Variants in CLIC5 observed in about 807,000 individuals in gnomAD.
CLIC5 encodes the protein CLIC family member 5, also known as chloride intracellular channel protein 5.
Under a neutral mutation model 24.7 loss-of-function variants are expected in CLIC5, and 20 were observed. The ratio of observed to expected loss-of-function variants is 0.81; its 90% CI spans 0.57 to 1.18. The LOEUF (loss-of-function observed/expected upper bound fraction) is 1.18, where lower values mean the gene tolerates loss of function less well. Ranked by LOEUF, CLIC5 falls within the 50% of genes most tolerant of loss-of-function variation. The probability of loss-of-function intolerance (pLI) is 0.00; values close to 1 mark genes in which losing one functional copy is unlikely to be tolerated. For synonymous variants in CLIC5, 159 were observed against 135.6 expected (o/e 1.17, Z -1.20); for missense variants, 341 against 326.1 (o/e 1.05, Z -0.35).
downstream of CLIC5, among the ~76,000 whole-genome samples, chr6:45,896,430 G>A (rs575182477): frequency 5.3e-5 from 8 of 151,158 alleles, no homozygotes; most frequent in South Asian, 1.7e-3. Context: ...GCCCAGAAAG[G>A]AGCCTTGCTC....
chr6:45,889,497 A>T (rs985540553), intron 6 of CLIC5, among the ~76,000 whole-genome samples: 1 of 152,194 alleles, frequency 6.6e-6, no homozygotes, highest in Non-Finnish European at 1.5e-5. Context: ...AACAATGTAT[A>T]CACTATGTGC....
the CLIC5 span, among the ~76,000 whole-genome samples, chr6:46,128,481 G>A: frequency 6.6e-6 from 1 of 152,130 alleles, no homozygotes; most frequent in Non-Finnish European, 1.5e-5. Flanking sequence ...CCAAAACTTG[G>A]CCTTACCCTG....
intron 6 of CLIC5, among the ~76,000 whole-genome samples, chr6:45,885,466 C>A (rs1006782032): frequency 2.0e-5 from 3 of 152,068 alleles, no homozygotes; most frequent in Non-Finnish European, 4.4e-5. Flanking sequence ...ATGTTATGCC[C>A]ATAATGTCAA....
chr6:46,005,711 A>T (rs1766528121), intron 1 of CLIC5, among the ~76,000 whole-genome samples: 1 of 152,014 alleles, frequency 6.6e-6, no homozygotes. Flanking sequence ...TGATTAGGTC[A>T]TGAGGGTGGA....
intron 6 of CLIC5, among the ~76,000 whole-genome samples, chr6:45,885,956 C>T (rs1762301689): frequency 1.3e-5 from 2 of 152,274 alleles, no homozygotes; most frequent in African/African-American, 4.8e-5. Context: ...TGCACAGGAA[C>T]TTCTGTAGCA....
At chr6:46,041,407 T>A (rs1767804166) in intron 1 of CLIC5, among the ~76,000 whole-genome samples, 2 of 152,176 alleles carry the variant, frequency 1.3e-5, no homozygotes, top group South Asian at 4.1e-4. Context: ...AAACTATACC[T>A]CAGTCCAAAT....
intron 3 of CLIC5, 108 bp downstream of exon 3, chr6:45,949,147 CT>C: frequency 5.7e-6 from 8 of 1,400,690 alleles, no homozygotes; most frequent in Non-Finnish European, 7.7e-6. Context: ...GTTCTCTGGA[CT>C]GGTGAGGTTC....
downstream of CLIC5, among the ~76,000 whole-genome samples, chr6:45,894,394 T>C (rs1762377096): frequency 6.6e-6 from 1 of 152,206 alleles, no homozygotes. Context: ...TTATTGGTAC[T>C]TCATTATAGC....
chr6:45,954,465 G>A (rs1054754649), intron 2 of CLIC5, among the ~76,000 whole-genome samples: 3 of 152,068 alleles, frequency 2.0e-5, no homozygotes, highest in African/African-American at 7.2e-5. Context: ...AGATAACAAG[G>A]AGAATATGCC....
At position 45,903,038 on chromosome 6, in the gene CLIC5, G is replaced by C. The variant is rs1301708854; in HGVS notation, c.*50C>G. Reference sequence around the variant, plus strand: ...AGGAGTCTATGAAGCTGGAGTCTTAGGGGAGTGGTTGAGTCCTTCTGCAGC... The same window carrying C: ...AGGAGTCTATGAAGCTGGAGTCTTACGGGAGTGGTTGAGTCCTTCTGCAGC... On this transcript the variant is annotated 3_prime_UTR_variant, in exon 6 of 6. Transcript: ENST00000339561. The C allele has an allele frequency of 6.2e-7, 1 of 1,604,008 alleles. No homozygotes were observed. The highest frequency in any genetic ancestry group is 8.5e-7 in the Non-Finnish European group (1 of 1,172,456).
chr6:45,902,986 A>G lies in CLIC5; in HGVS notation c.*102T>C. The G allele has an allele frequency of 5.4e-6, 7 of 1,286,488 alleles. No homozygotes were observed. The South Asian group carries it at 9.4e-5, about 17-fold the overall frequency. 79.7% of individuals were successfully genotyped at this position (1,286,488 alleles called of 1,614,324 possible). ...CCAGCAAGATGAGGCTTGATTATAAAAAGTGCGCCTCAAGGCAGTGATACA... is the reference window on the plus strand; with the variant it reads ...CCAGCAAGATGAGGCTTGATTATAAGAAGTGCGCCTCAAGGCAGTGATACA... On this transcript the variant is annotated 3_prime_UTR_variant, in exon 6 of 6. Transcript: ENST00000339561.
At chr6:46,053,454 A>G (rs1768160134) in intron 1 of CLIC5, among the ~76,000 whole-genome samples, 1 of 152,250 alleles carries the variant, frequency 6.6e-6, no homozygotes, top group Admixed American at 6.5e-5. Context: ...GAATAAAAGG[A>G]TGAAAGTATG....
At chr6:45,897,036 A>G (rs889140744), downstream of CLIC5, among the ~76,000 whole-genome samples, 3 of 152,230 alleles carry the variant, frequency 2.0e-5, no homozygotes, top group Non-Finnish European at 1.5e-5. Context: ...ATCCAGAGTT[A>G]GGACCAGTTT....
rs2127289656 is a variant in CLIC5 at position 45,899,624 on chromosome 6, A to C, written c.*3464T>G. On this transcript the variant is annotated 3_prime_UTR_variant, in exon 6 of 6. Transcript: ENST00000339561. ...CATATGGTCAAGATCTATTTCAGGC[A>C]TGACCTATCTTATGACAGTTCTAAG... 1 of 152,406 alleles carries C rather than the reference A, an allele frequency of 6.6e-6. No homozygotes were observed. Among genetic ancestry groups the C allele is most frequent in the South Asian group, 2.1e-4 (1 of 4,834 alleles). 9.4% of individuals were successfully genotyped at this position (152,406 alleles called of 1,614,324 possible).
the CLIC5 span, among the ~76,000 whole-genome samples, chr6:46,090,625 G>T: frequency 6.6e-6 from 1 of 152,276 alleles, no homozygotes; most frequent in East Asian, 1.9e-4. Flanking sequence ...TGCACAACAC[G>T]ATGCCTTAAT....
At chr6:45,946,857 G>A (rs146936848) in intron 3 of CLIC5, among the ~76,000 whole-genome samples, 2 of 152,206 alleles carry the variant, frequency 1.3e-5, no homozygotes, top group Non-Finnish European at 2.9e-5. Context: ...CCCCACCTTG[G>A]TAGGCTTCTG....
In CLIC5 at chr6:45,900,000, C is replaced by A. The variant is rs1762468370; in HGVS notation, c.*3088G>T. 1.3e-5 allele frequency: 2 copies of A among 152,184 alleles called. No individual in the cohort carries two copies. The highest frequency in any genetic ancestry group is 2.9e-5 in the Non-Finnish European group (2 of 68,038). 9.4% of individuals were successfully genotyped at this position (152,184 alleles called of 1,614,324 possible). ...GACTCTGAATTTATCAAGCATTTGA[C>A]TTTCTTTATCAGGAGATGAAGAAAC... On this transcript the variant is annotated 3_prime_UTR_variant, in exon 6 of 6. Coordinates refer to ENST00000339561, the MANE Select transcript of CLIC5 (RefSeq NM_016929.5).
chr6:45,977,136 A>G (rs1765412070), intron 1 of CLIC5, among the ~76,000 whole-genome samples: 2 of 152,118 alleles, frequency 1.3e-5, no homozygotes, highest in Non-Finnish European at 2.9e-5. Context: ...TTGGGTGATT[A>G]TTTTTATTTC....
the CLIC5 span, among the ~76,000 whole-genome samples, chr6:46,124,088 A>C: frequency 6.6e-6 from 1 of 152,208 alleles, no homozygotes; most frequent in African/African-American, 2.4e-5. Context: ...ACTACTTTAA[A>C]GTTCATATGG....
Sources: gnomAD v4.1 joint callset for allele counts (sites outside exome capture counted in the v4.1 genomes callset) on GRCh38, gnomAD v4.1.1 for gene constraint, MANE v1.5 for transcripts, NCBI Gene and HGNC (gene_info 2026-07-23, HGNC 2026-07-21) for gene names.